Variants in MAP7 observed in about 807,000 individuals in gnomAD.
MAP7 encodes the protein ensconsin.
In MAP7, 52 loss-of-function variants were observed where a neutral mutation model predicts 94.8. The observed-to-expected ratio is 0.55, with a 90% CI of 0.44 to 0.69. The LOEUF is 0.69. MAP7 is among the 30% of genes least tolerant of loss of function. The pLI, the probability that MAP7 is intolerant of heterozygous loss-of-function variation, is 0.00. For synonymous variants in MAP7, 350 were observed against 357.0 expected (o/e 0.98, Z 0.22); for missense variants, 940 against 964.6 (o/e 0.97, Z 0.34).
intron 17 of MAP7, among the ~76,000 whole-genome samples, chr6:136,344,723 CAG>C (rs1443736697): frequency 6.6e-6 from 1 of 152,168 alleles, no homozygotes. Context: ...GAAAGTCAGA[CAG>C]GGGAGGGCCC....
At chr6:136,372,668 G>T in intron 7 of MAP7, 43 bp from the exon 8 acceptor site, 1 of 1,613,544 alleles carries the variant, frequency 6.2e-7, no homozygotes, top group South Asian at 1.1e-5. Flanking sequence ...CAGGTGATTG[G>T]TTTTACACAC....
intron 1 of MAP7, among the ~76,000 whole-genome samples, chr6:136,473,593 T>C (rs1164226194): frequency 6.6e-6 from 1 of 152,230 alleles, no homozygotes; most frequent in African/African-American, 2.4e-5. Flanking sequence ...CTGTATAATA[T>C]TGAATCATAG....
chr6:136,542,956 C>T (rs1042918160), intron 1 of MAP7, among the ~76,000 whole-genome samples: 11 of 152,084 alleles, frequency 7.2e-5, no homozygotes, highest in South Asian at 4.1e-4. Flanking sequence ...ACAAAACTAA[C>T]GATACTAAGT....
intron 1 of MAP7, among the ~76,000 whole-genome samples, chr6:136,535,684 T>C (rs1045962500): frequency 6.6e-6 from 1 of 152,154 alleles, no homozygotes; most frequent in East Asian, 1.9e-4. Flanking sequence ...ATATTTAGGA[T>C]TGAGTGCCAA....
intron 3 of MAP7, among the ~76,000 whole-genome samples, chr6:136,398,574 T>C (rs532779861): frequency 6.6e-6 from 1 of 152,278 alleles, no homozygotes; most frequent in South Asian, 2.1e-4. Flanking sequence ...TTCCCCCATA[T>C]TGTTTTTGTG....
intron 1 of MAP7, among the ~76,000 whole-genome samples, chr6:136,443,791 C>T (rs1445656194): frequency 1.3e-5 from 2 of 152,138 alleles, no homozygotes; most frequent in African/African-American, 4.8e-5. Context: ...GCATCCTGAA[C>T]ATTATGTGGC....
chr6:136,503,007 T>C (rs1437272058), intron 1 of MAP7, among the ~76,000 whole-genome samples: 3 of 152,222 alleles, frequency 2.0e-5, no homozygotes, highest in African/African-American at 7.2e-5. Context: ...ACCACAGTCA[T>C]GGATAGCTAA....
intron 1 of MAP7, among the ~76,000 whole-genome samples, chr6:136,454,765 G>T (rs1053639859): frequency 1.3e-5 from 2 of 152,054 alleles, no homozygotes; most frequent in Admixed American, 6.5e-5. Context: ...CAGGTGAGGT[G>T]ACCCTCACCT....
At chr6:136,434,204 G>A (rs541628906) in intron 1 of MAP7, among the ~76,000 whole-genome samples, 2 of 151,990 alleles carry the variant, frequency 1.3e-5, no homozygotes, top group South Asian at 2.1e-4. Flanking sequence ...CTACTCGGGA[G>A]GCTGAGGCAG....
At chr6:136,534,372 C>T (rs1219624083) in intron 1 of MAP7, among the ~76,000 whole-genome samples, 1 of 152,186 alleles carries the variant, frequency 6.6e-6, no homozygotes, top group African/African-American at 2.4e-5. Context: ...ATTTGGCCCA[C>T]CCATAGCCAG....
intron 10 of MAP7, 131 bp from the exon 11 acceptor site, chr6:136,362,833 T>A: frequency 7.2e-7 from 1 of 1,382,034 alleles, no homozygotes; most frequent in Non-Finnish European, 9.6e-7. Flanking sequence ...TATTACTGTG[T>A]GTTCTCACGG....
intron 8 of MAP7, among the ~76,000 whole-genome samples, chr6:136,372,078 A>G (rs187010422): frequency 6.6e-6 from 1 of 152,322 alleles, no homozygotes; most frequent in African/African-American, 2.4e-5. Context: ...TGAGTGAACC[A>G]CATTTAGAGT....
At chr6:136,411,286 A>T (rs1268475970) in intron 3 of MAP7, among the ~76,000 whole-genome samples, 1 of 152,228 alleles carries the variant, frequency 6.6e-6, no homozygotes. Flanking sequence ...GTGCCCTGAC[A>T]GTGTATAATC....
chr6:136,388,765 G>A lies in MAP7; in HGVS notation c.409-255C>T, dbSNP rs533894268. 8.5e-5 allele frequency among the ~76,000 whole-genome samples: 13 copies of A among 152,240 alleles called. No homozygotes were observed. In the South Asian group the frequency reaches 1.5e-3, roughly 17 times the overall value. On this transcript the variant is annotated intron_variant, in intron 4 of 17. Coordinates refer to ENST00000354570, the MANE Select transcript of MAP7 (RefSeq NM_003980.6). ...AACGACCCTTACTACTAGGGTGTGC[G>A]TGATGCTTTCATGAACACACGTAAG... is the stretch of plus-strand genomic sequence containing the variant.
intron 1 of MAP7, among the ~76,000 whole-genome samples, chr6:136,509,928 G>T (rs546271546): frequency 2.2e-4 from 33 of 152,302 alleles, no homozygotes; most frequent in Admixed American, 9.8e-4. Flanking sequence ...TATGCTGGGC[G>T]TGGTGGCTCA....
intron 5 of MAP7, among the ~76,000 whole-genome samples, chr6:136,384,231 G>T (rs1226732708): frequency 6.6e-6 from 1 of 152,120 alleles, no homozygotes; most frequent in African/African-American, 2.4e-5. Context: ...TGATAACTTT[G>T]CTTACAGAGT....
chr6:136,361,289 A>T, intron 11 of MAP7, 110 bp from the exon 12 acceptor site: 1 of 1,114,566 alleles, frequency 9.0e-7, no homozygotes, highest in Non-Finnish European at 1.3e-6. Context: ...GTCCAGTAGA[A>T]AAATCCCCAC....
intron 1 of MAP7, chr6:136,545,293 G>A (rs1583167101): frequency 6.6e-6 from 1 of 150,766 alleles, no homozygotes; most frequent in Admixed American, 6.6e-5. Flanking sequence ...ATCCCTCCAG[G>A]TGCACCCTTC....
rs1403548535 is a variant in MAP7 at position 136,492,655 on chromosome 6, G to A, written c.67+57687C>T. Among the ~76,000 whole-genome samples the A allele has an allele frequency of 2.0e-5, 3 of 151,998 alleles. No individual in the cohort carries two copies. In the East Asian group the frequency reaches 5.8e-4, roughly 29 times the overall value. Reference sequence around the variant, plus strand: ...TGATTTTGAAATTACAGTATAAAGGGCAATATTTCCATAAAAGAATAAAAT... The same window carrying A: ...TGATTTTGAAATTACAGTATAAAGGACAATATTTCCATAAAAGAATAAAAT... On this transcript the variant is annotated intron_variant, in intron 1 of 17. Transcript: ENST00000354570.
Sources: allele counts gnomAD v4.1 joint callset (sites outside exome capture counted in the v4.1 genomes callset), GRCh38; gene constraint gnomAD v4.1.1; transcripts MANE v1.5; gene names NCBI Gene and HGNC (gene_info 2026-07-23, HGNC 2026-07-21).